The following NCAM2 variants were observed in gnomAD, a reference collection of about 807,000 sequenced individuals.
The protein encoded by NCAM2 is neural cell adhesion molecule 2.
Under a neutral mutation model 98.1 loss-of-function variants are expected in NCAM2, and 30 were observed. The observed-to-expected ratio is 0.31, with a 90% CI of 0.23 to 0.41. The LOEUF is 0.41. Among genes scored for constraint, NCAM2 ranks in the 10% least tolerant of loss-of-function variants. The pLI is 1.00. For missense variants in NCAM2, 867 were observed against 1,005.8 expected, an observed-to-expected ratio of 0.86 and a Z score of 1.87; for synonymous variants, 368 against 342.4, an observed-to-expected ratio of 1.07 and a Z score of -0.83.
intron 12 of NCAM2, among the ~76,000 whole-genome samples, chr21:21,455,534 A>G (rs1982015066): frequency 6.6e-6 from 1 of 151,958 alleles, no homozygotes; most frequent in Non-Finnish European, 1.5e-5. Flanking sequence ...TTACTGTCCT[A>G]ATAATTTAAC....
chr21:21,468,624 A>C, intron 13 of NCAM2, 38 bp from the exon 14 acceptor site: 1 of 1,567,666 alleles, frequency 6.4e-7, no homozygotes, highest in Non-Finnish European at 8.7e-7. Flanking sequence ...GGTATCTGAA[A>C]TGTGTGCAAA....
At chr21:21,402,655 A>G (rs2076657628) in intron 9 of NCAM2, among the ~76,000 whole-genome samples, 1 of 152,058 alleles carries the variant, frequency 6.6e-6, no homozygotes. Flanking sequence ...TGAAATCCCT[A>G]ATAAAAACTT....
chr21:21,084,571 T>C (rs2065871377), intron 1 of NCAM2, among the ~76,000 whole-genome samples: 2 of 152,196 alleles, frequency 1.3e-5, no homozygotes, highest in Admixed American at 6.5e-5. Context: ...TTTTTAAGTA[T>C]GTATGATGTT....
intron 1 of NCAM2, among the ~76,000 whole-genome samples, chr21:21,260,184 A>G (rs2071839959): frequency 6.6e-6 from 1 of 151,982 alleles, no homozygotes; most frequent in African/African-American, 2.4e-5. Flanking sequence ...AAATCCTTCA[A>G]GAGATGTGGA....
At chr21:21,404,677 A>G (rs1286014506) in intron 9 of NCAM2, among the ~76,000 whole-genome samples, 2 of 152,102 alleles carry the variant, frequency 1.3e-5, no homozygotes, top group Admixed American at 6.6e-5. Context: ...CCGTATATCA[A>G]TATATGTCAG....
intron 13 of NCAM2, among the ~76,000 whole-genome samples, chr21:21,467,400 C>T (rs1011724319): frequency 8.9e-4 from 67 of 75,646 alleles, no homozygotes; most frequent in African/African-American, 2.9e-3. Context: ...ATATATATAT[C>T]GTTGTATATG....
In NCAM2 at chr21:21,437,126, A is replaced by G. The variant is rs79167354; in HGVS notation, c.1654+4845A>G. On this transcript the variant is annotated intron_variant, in intron 12 of 17. Coordinates refer to ENST00000400546, the MANE Select transcript of NCAM2 (RefSeq NM_004540.5). ...GGTTCAAAGTGTTTATGAGAGATTA[A>G]CACACTTTTGAAAAGAGTGAAGATG... 5.3e-3 allele frequency among the ~76,000 whole-genome samples: 800 copies of G among 152,152 alleles called. 7 individuals are homozygous for G. Among genetic ancestry groups the G allele is most frequent in the African/African-American group, 0.018 (761 of 41,504 alleles).
At chr21:21,053,882 T>C (rs1343122109) in intron 1 of NCAM2, among the ~76,000 whole-genome samples, 1 of 151,774 alleles carries the variant, frequency 6.6e-6, no homozygotes, top group Non-Finnish European at 1.5e-5. Context: ...AATAAAACTT[T>C]TACTATTTTG....
chr21:21,452,787 T>C lies in NCAM2; in HGVS notation c.1655-13819T>C, dbSNP rs1386395622. ...TATGTATTAAAATATAGTATTACTT[T>C]ATATATAAAATATAGTATTACTTTA... On this transcript the variant is annotated intron_variant, in intron 12 of 17. Coordinates refer to ENST00000400546, the MANE Select transcript of NCAM2 (RefSeq NM_004540.5). Among the ~76,000 whole-genome samples the C allele has an allele frequency of 3.7e-5, 3 of 80,642 alleles. No homozygotes were observed. The East Asian group carries it at 1.1e-3, about 30-fold the overall frequency. 52.9% of individuals were successfully genotyped at this position (80,642 alleles called of 152,430 possible).
In NCAM2 at chr21:21,047,116, C is replaced by T. The variant is rs112107895; in HGVS notation, c.55+48498C>T. On this transcript the variant is annotated intron_variant, in intron 1 of 17. Coordinates refer to ENST00000400546, the MANE Select transcript of NCAM2 (RefSeq NM_004540.5). ...ACGAGTTAGAGAAGCTATGCAATTA[C>T]TAGTGAAATAGTTTTATTAAGTTTG... Among the ~76,000 whole-genome samples, 160 of 152,068 alleles carry T rather than the reference C, an allele frequency of 1.1e-3. 4 individuals are homozygous for T. The highest frequency in any genetic ancestry group is 3.6e-3 in the African/African-American group (151 of 41,474).
intron 1 of NCAM2, among the ~76,000 whole-genome samples, chr21:21,054,958 G>A (rs1357242594): frequency 6.6e-6 from 1 of 151,906 alleles, no homozygotes; most frequent in Admixed American, 6.6e-5. Context: ...ACCCTAAGTT[G>A]GGAATATTTT....
At chr21:21,466,554 GAT>G in intron 12 of NCAM2, 50 bp from the exon 13 acceptor site, 2 of 1,228,030 alleles carry the variant, frequency 1.6e-6, no homozygotes, top group African/African-American at 1.6e-5. Context: ...TGTCCAATTA[GAT>G]ATATATGTAT....
At chr21:21,511,778 G>C (rs1286205479) in intron 16 of NCAM2, among the ~76,000 whole-genome samples, 1 of 151,660 alleles carries the variant, frequency 6.6e-6, no homozygotes, top group Admixed American at 6.6e-5. Flanking sequence ...CTGTCTTTTG[G>C]ATACAAGCCA....
chr21:21,045,319 A>C (rs1193381039), intron 1 of NCAM2, among the ~76,000 whole-genome samples: 2 of 152,126 alleles, frequency 1.3e-5, no homozygotes, highest in Non-Finnish European at 2.9e-5. Flanking sequence ...TTCCTCAAGA[A>C]AGTTGATATG....
In NCAM2 at chr21:21,539,227, G is replaced by T. The variant is rs1222755998; in HGVS notation, c.*1270G>T. The T allele has an allele frequency of 6.6e-6, 1 of 152,132 alleles. No homozygotes were observed. Among genetic ancestry groups the T allele is most frequent in the Non-Finnish European group, 1.5e-5 (1 of 68,024 alleles). The allele number at this position is 152,132 out of a possible 1,614,324, so 9.4% of individuals were successfully genotyped here. On this transcript the variant is annotated 3_prime_UTR_variant, in exon 18 of 18. Transcript: ENST00000400546. Reference sequence around the variant, plus strand: ...TACTTCCAAGCTATGCAAGCTCCCAGAGGTAATAGAGTGACACATGATTTA... The same window carrying T: ...TACTTCCAAGCTATGCAAGCTCCCATAGGTAATAGAGTGACACATGATTTA...
intron 14 of NCAM2, among the ~76,000 whole-genome samples, chr21:21,472,925 T>C (rs78002269): frequency 0.012 from 1,849 of 151,262 alleles, 15 homozygotes; most frequent in Middle Eastern, 0.027. Context: ...GCTAAAATCT[T>C]CAAACCTTTA....
intron 15 of NCAM2, among the ~76,000 whole-genome samples, chr21:21,497,805 G>A (rs1987349756): frequency 6.6e-6 from 1 of 151,958 alleles, no homozygotes; most frequent in South Asian, 2.1e-4. Flanking sequence ...CACATAAAAT[G>A]GTACATTAAA....
intron 1 of NCAM2, among the ~76,000 whole-genome samples, chr21:21,049,479 A>G (rs956632023): frequency 2.1e-3 from 3 of 1,456 alleles, no homozygotes; most frequent in African/African-American, 0.01. Context: ...CCTAATAAAA[A>G]GAGCATGAAA....
intron 1 of NCAM2, among the ~76,000 whole-genome samples, chr21:21,139,201 C>T (rs2067119233): frequency 6.6e-6 from 1 of 152,202 alleles, no homozygotes; most frequent in South Asian, 2.1e-4. Flanking sequence ...ACTACAGAGA[C>T]AGAGCTGGAG....
Sources: gnomAD v4.1 joint callset for allele counts (sites outside exome capture counted in the v4.1 genomes callset) on GRCh38, gnomAD v4.1.1 for gene constraint, MANE v1.5 for transcripts, NCBI Gene and HGNC (gene_info 2026-07-23, HGNC 2026-07-21) for gene names.